ROBO1: variants seen among roughly 807,000 people sequenced by gnomAD.
ROBO1 encodes the protein roundabout guidance receptor 1.
In ROBO1, 149 loss-of-function variants were observed where a neutral mutation model predicts 195.9. That is an observed-to-expected ratio of 0.76 (90% confidence interval 0.67 to 0.87). The LOEUF (loss-of-function observed/expected upper bound fraction) is 0.87, where lower values mean the gene tolerates loss of function less well. Ranked by LOEUF, ROBO1 falls within the 40% of genes least tolerant of loss-of-function variation. The pLI, the probability that ROBO1 is intolerant of heterozygous loss-of-function variation, is 0.00. For missense variants in ROBO1, 1,933 were observed against 2,068.3 expected (o/e 0.93, Z 1.27); for synonymous variants, 816 against 733.2 (o/e 1.11, Z -1.82).
Position 79,669,940 on chromosome 3 carries a change from G to A in ROBO1, c.-50-79979C>T, listed in dbSNP as rs113403408. 4.2e-3 allele frequency among the ~76,000 whole-genome samples: 634 copies of A among 151,790 alleles called. 9 individuals are homozygous for A. The highest frequency in any genetic ancestry group is 0.015 in the African/African-American group (607 of 41,450). ...TTTTTGCACTTTACTTCTTATGCTG[G>A]GCAGAATTTAGAAGAGACATTTTCC... On this transcript the variant is annotated intron_variant, in intron 1 of 30. Transcript: ENST00000464233.
intron 8 of ROBO1, among the ~76,000 whole-genome samples, chr3:78,710,816 C>T (rs2081665534): frequency 6.6e-6 from 1 of 152,178 alleles, no homozygotes; most frequent in Non-Finnish European, 1.5e-5. Flanking sequence ...GTCTTCTATT[C>T]TCCCTGTCAG....
chr3:79,485,337 A>G (rs921125061), intron 2 of ROBO1, among the ~76,000 whole-genome samples: 2 of 152,160 alleles, frequency 1.3e-5, no homozygotes, highest in African/African-American at 2.4e-5. Flanking sequence ...TTCTCTGATC[A>G]GTCTAAGTTG....
chr3:79,647,307 T>TTA (rs1296421097), intron 1 of ROBO1, among the ~76,000 whole-genome samples: 2 of 152,090 alleles, frequency 1.3e-5, no homozygotes, highest in African/African-American at 4.8e-5. Context: ...CTACAAAAAT[T>TTA]TCCCTCTACA....
chr3:79,182,023 A>C (rs934141431), intron 2 of ROBO1, among the ~76,000 whole-genome samples: 11 of 151,586 alleles, frequency 7.3e-5, no homozygotes, highest in Admixed American at 2.0e-4. Context: ...GTGGTATTGG[A>C]AATCAAGGTC....
chr3:79,265,327 G>C (rs1004760570), intron 2 of ROBO1, among the ~76,000 whole-genome samples: 8 of 150,838 alleles, frequency 5.3e-5, no homozygotes, highest in Non-Finnish European at 1.0e-4. Context: ...TTTTAGGTTA[G>C]AGCTTAGCAA....
At chr3:79,211,887 A>T (rs1809208) in intron 2 of ROBO1, among the ~76,000 whole-genome samples, 1 of 152,022 alleles carries the variant, frequency 6.6e-6, no homozygotes, top group Non-Finnish European at 1.5e-5. Context: ...GGTGTCTCAC[A>T]GCCTTCAGAG....
chr3:78,661,245 T>C lies in ROBO1; in HGVS notation c.2105A>G (p.Gln702Arg), dbSNP rs374204081. 2 of 1,577,240 alleles carry C rather than the reference T, an allele frequency of 1.3e-6. No homozygotes were observed. Among genetic ancestry groups the C allele is most frequent in the African/African-American group, 1.4e-5 (1 of 73,842 alleles). ...GAGAATTTTATATCCTTGTATATAC[T>C]GAGACTGTTGATCTACCTATTAAAA... is the stretch of plus-strand genomic sequence containing the variant. ...EVHWTVDQQS[Q>R]YIQGYKILYR... The change falls in exon 16 of 31, where the codon CAG (glutamine) becomes CGG (arginine). Residue 702 changes from glutamine (Q) to arginine (R), a missense_variant. Physicochemically the swap from Gln to Arg is conservative, Grantham distance 43. Coordinates refer to ENST00000464233, the MANE Select transcript of ROBO1 (RefSeq NM_002941.4).
In ROBO1 at chr3:79,360,502, A is replaced by G. The variant is rs146139405; in HGVS notation, c.88+229322T>C. Among the ~76,000 whole-genome samples, 486 of 152,180 alleles carry G rather than the reference A, an allele frequency of 3.2e-3. 5 individuals carry two copies. Among genetic ancestry groups the G allele is most frequent in the East Asian group, 0.025 (128 of 5,188 alleles). On this transcript the variant is annotated intron_variant, in intron 2 of 30. Transcript: ENST00000464233. ...AATATTGCAAAAATACTACAAATTT[A>G]TAGCTCATCTACATAGAGGACAGCT... is the stretch of plus-strand genomic sequence containing the variant.
At chr3:79,440,767 G>A (rs549476012) in intron 2 of ROBO1, among the ~76,000 whole-genome samples, 1 of 152,250 alleles carries the variant, frequency 6.6e-6, no homozygotes, top group South Asian at 2.1e-4. Context: ...AGGCAAGATG[G>A]AAGAATATAG....
chr3:79,557,836 C>T (rs781364582), intron 2 of ROBO1, among the ~76,000 whole-genome samples: 56 of 149,720 alleles, frequency 3.7e-4, no homozygotes, highest in Non-Finnish European at 5.6e-4. Context: ...CTTTTTGCTA[C>T]GAAAGATTGC....
chr3:79,291,613 C>G (rs1159142771), intron 2 of ROBO1, among the ~76,000 whole-genome samples: 2 of 152,336 alleles, frequency 1.3e-5, no homozygotes, highest in East Asian at 3.9e-4. Context: ...ATTTCAACAA[C>G]AAGGGCTATT....
intron 2 of ROBO1, among the ~76,000 whole-genome samples, chr3:79,387,811 A>T (rs1486262970): frequency 6.6e-6 from 1 of 152,200 alleles, no homozygotes; most frequent in Admixed American, 6.6e-5. Flanking sequence ...TAGCAATATT[A>T]TTCTGGTTGC....
intron 2 of ROBO1, among the ~76,000 whole-genome samples, chr3:79,303,733 T>C (rs865828819): frequency 5.3e-5 from 8 of 152,102 alleles, no homozygotes; most frequent in African/African-American, 1.9e-4. Context: ...AATGTTAGCA[T>C]TCAGAATTAC....
chr3:79,372,456 G>A (rs1449774446), intron 2 of ROBO1, among the ~76,000 whole-genome samples: 3 of 152,000 alleles, frequency 2.0e-5, no homozygotes, highest in Non-Finnish European at 2.9e-5. Context: ...TGATCTGCCC[G>A]CCTTGGCCTC....
chr3:78,993,248 C>T (rs776568847), intron 3 of ROBO1, among the ~76,000 whole-genome samples: 12 of 152,150 alleles, frequency 7.9e-5, no homozygotes, highest in Non-Finnish European at 1.6e-4. Context: ...CAATAAGATG[C>T]TCAAGGGTGC....
intron 22 of ROBO1, 125 bp downstream of exon 22, chr3:78,639,619 T>C: frequency 2.3e-6 from 2 of 866,500 alleles, no homozygotes; most frequent in East Asian, 2.8e-5. Flanking sequence ...TGCTAAACAA[T>C]AGTCAGCATT....
At chr3:78,985,966 A>G (rs2077097026) in intron 3 of ROBO1, among the ~76,000 whole-genome samples, 1 of 152,206 alleles carries the variant, frequency 6.6e-6, no homozygotes. Flanking sequence ...GCAGAGCCCA[A>G]GACAAAGCCT....
chr3:79,607,699 T>C (rs1944533723), intron 1 of ROBO1, among the ~76,000 whole-genome samples: 1 of 151,916 alleles, frequency 6.6e-6, no homozygotes, highest in South Asian at 2.1e-4. Context: ...GAAAGTGAAT[T>C]TAGATAAACA....
intron 3 of ROBO1, among the ~76,000 whole-genome samples, chr3:79,037,413 A>G (rs1223209299): frequency 6.6e-6 from 1 of 152,132 alleles, no homozygotes; most frequent in Non-Finnish European, 1.5e-5. Flanking sequence ...AAACACCATC[A>G]ATTAGTGGTA....
Sources: gnomAD v4.1 joint callset for allele counts (sites outside exome capture counted in the v4.1 genomes callset) on GRCh38, gnomAD v4.1.1 for gene constraint, MANE v1.5 for transcripts, NCBI Gene and HGNC (gene_info 2026-07-23, HGNC 2026-07-21) for gene names.